Variants in NRG2 observed in about 807,000 individuals in gnomAD.
The protein encoded by NRG2 is pro-neuregulin-2, membrane-bound isoform.
A neutral mutation model predicts 73.9 loss-of-function variants in NRG2; 27 were observed. The ratio of observed to expected loss-of-function variants is 0.37; its 90% CI spans 0.27 to 0.50. NRG2 has a LOEUF of 0.50. Ranked by LOEUF, NRG2 falls within the 20% of genes least tolerant of loss-of-function variation. The pLI is 0.96. For missense variants in NRG2, 1,126 were observed against 1,210.1 expected (o/e 0.93, Z 1.03); for synonymous variants, 532 against 541.0 (o/e 0.98, Z 0.23).
At chr5:139,991,039 G>C (rs1757587378) in intron 1 of NRG2, among the ~76,000 whole-genome samples, 1 of 152,098 alleles carries the variant, frequency 6.6e-6, no homozygotes, top group Non-Finnish European at 1.5e-5. Context: ...ACTTTGAGAG[G>C]CCAAGGCAGG....
chr5:139,947,314 A>G (rs550458979), intron 1 of NRG2, among the ~76,000 whole-genome samples: 25 of 152,342 alleles, frequency 1.6e-4, no homozygotes, highest in South Asian at 2.1e-4. Flanking sequence ...GACATTTCAT[A>G]TAAATCAAAT....
intron 1 of NRG2, among the ~76,000 whole-genome samples, chr5:139,995,942 G>T (rs1287787092): frequency 6.6e-6 from 1 of 152,174 alleles, no homozygotes; most frequent in African/African-American, 2.4e-5. Context: ...CTTGAGCCGA[G>T]AAATTTGAGG....
At chr5:139,911,928 G>A (rs1304988411) in intron 1 of NRG2, among the ~76,000 whole-genome samples, 1 of 152,156 alleles carries the variant, frequency 6.6e-6, no homozygotes, top group Non-Finnish European at 1.5e-5. Context: ...GGGCTCTGGG[G>A]ACCATGAGCA....
chr5:140,042,475 C>G lies in NRG2; in HGVS notation c.595G>C (p.Glu199Gln), dbSNP rs751635846. Residue 199 changes from glutamate (E) to glutamine (Q), a missense_variant, in exon 1 of 10, where the codon GAG becomes CAG. Glu to Gln is a conservative substitution (Grantham distance 29). This residue lies in a region of NRG2 where 539 missense variants were observed against 703.2 expected (regional missense o/e 0.77). Transcript: ENST00000361474. ...AAGACTAAGGGCTGTTCCGTGGGCT[C>G]CAGGAAAAAGATGTAGCGCTGGTTC... ...ERNQRYIFFL[E>Q]PTEQPLVFKT... 1 of 1,613,642 alleles carries G rather than the reference C, an allele frequency of 6.2e-7. No individual in the cohort carries two copies. Among genetic ancestry groups the G allele is most frequent in the Admixed American group, 1.7e-5 (1 of 59,990 alleles).
intron 1 of NRG2, among the ~76,000 whole-genome samples, chr5:139,902,081 G>C (rs534345268): frequency 6.6e-6 from 1 of 152,338 alleles, no homozygotes; most frequent in Admixed American, 6.5e-5. Flanking sequence ...GTCCAACAGG[G>C]ATGAACCCCA....
intron 1 of NRG2, among the ~76,000 whole-genome samples, chr5:139,911,669 G>A (rs1750832720): frequency 6.6e-6 from 1 of 152,156 alleles, no homozygotes; most frequent in Non-Finnish European, 1.5e-5. Context: ...CCCATCTGCA[G>A]GGAGACACCT....
intron 5 of NRG2, among the ~76,000 whole-genome samples, chr5:139,859,686 C>T (rs761884042): frequency 1.3e-5 from 2 of 152,116 alleles, no homozygotes; most frequent in Non-Finnish European, 2.9e-5. Context: ...CCCCTGAGTG[C>T]CCTTCTGTTC....
intron 1 of NRG2, among the ~76,000 whole-genome samples, chr5:140,032,152 G>T (rs1234961435): frequency 6.6e-6 from 1 of 152,180 alleles, no homozygotes; most frequent in Non-Finnish European, 1.5e-5. Flanking sequence ...TACCTCTGAA[G>T]GTATTCAGCC....
At chr5:139,911,616 C>T (rs1257488734) in intron 1 of NRG2, among the ~76,000 whole-genome samples, 1 of 152,202 alleles carries the variant, frequency 6.6e-6, no homozygotes, top group African/African-American at 2.4e-5. Context: ...TGCCTGGATT[C>T]CTGCTGCCAG....
intron 1 of NRG2, among the ~76,000 whole-genome samples, chr5:139,897,173 T>A (rs7715875): frequency 0.012 from 1,776 of 152,012 alleles, 40 homozygotes; most frequent in African/African-American, 0.038. Flanking sequence ...AGCTGTGGGG[T>A]CAGACGGATG....
At chr5:140,037,140 T>C (rs1761563974) in intron 1 of NRG2, among the ~76,000 whole-genome samples, 1 of 152,242 alleles carries the variant, frequency 6.6e-6, no homozygotes, top group Non-Finnish European at 1.5e-5. Context: ...GGTCTCTGTC[T>C]TCTGAATGAA....
chr5:139,912,512 C>A (rs868528019), intron 1 of NRG2, among the ~76,000 whole-genome samples: 25 of 152,232 alleles, frequency 1.6e-4, no homozygotes, highest in South Asian at 2.1e-4. Flanking sequence ...GTGGTTATGG[C>A]AGGTCTCAGG....
Position 139,869,105 on chromosome 5 carries a change from TC to T in NRG2, c.1112+2615del. 6.6e-6 allele frequency among the ~76,000 whole-genome samples: 1 copy of T among 151,938 alleles called. No homozygotes were observed. Among genetic ancestry groups the T allele is most frequent in the East Asian group, 1.9e-4 (1 of 5,130 alleles). ...CTTGATTTGGACTCCCATTTTCAAA[TC>T]CCCCTACGTTGTCTTTTTTTAAAAC... is the stretch of plus-strand genomic sequence containing the variant. On this transcript the variant is annotated intron_variant, in intron 4 of 9. Coordinates refer to ENST00000361474, the MANE Select transcript of NRG2 (RefSeq NM_004883.3). This position sits in a 1 kb window ranked among gnomAD's most constrained non-coding sequence, Gnocchi z 4.5.
intron 2 of NRG2, 23 bp from the exon 3 acceptor site, chr5:139,880,997 G>A (rs1475587089): frequency 1.2e-6 from 2 of 1,602,412 alleles, no homozygotes; most frequent in East Asian, 2.2e-5. Context: ...GGGATAAAAG[G>A]GGGAGAGGCG....
At chr5:140,010,017 G>A (rs115724263) in intron 1 of NRG2, among the ~76,000 whole-genome samples, 1 of 152,158 alleles carries the variant, frequency 6.6e-6, no homozygotes, top group East Asian at 1.9e-4. Context: ...TCTGTATGAG[G>A]CCGGGCACAG....
chr5:139,858,899 T>C (rs1001936853), intron 5 of NRG2, among the ~76,000 whole-genome samples: 1 of 152,140 alleles, frequency 6.6e-6, no homozygotes, highest in African/African-American at 2.4e-5. Flanking sequence ...AACTTTGCAA[T>C]CTATCTTCTA....
chr5:139,916,586 T>C (rs1751272997), intron 1 of NRG2, among the ~76,000 whole-genome samples: 1 of 152,168 alleles, frequency 6.6e-6, no homozygotes. Flanking sequence ...AACCACTGAT[T>C]GACTTTCTGT....
Position 139,895,295 on chromosome 5 carries a change from C to T in NRG2, c.701-7784G>A, listed in dbSNP as rs137882761. 1.4e-4 allele frequency among the ~76,000 whole-genome samples: 22 copies of T among 152,378 alleles called. No homozygotes were observed. The East Asian group carries it at 1.7e-3, about 12-fold the overall frequency. ...TCATCCCCAGAGTCACGCAGGTCCA[C>T]GCCGCAGTGCTCCACCCAGCGCAGG... On this transcript the variant is annotated intron_variant, in intron 1 of 9. Coordinates refer to ENST00000361474, the MANE Select transcript of NRG2 (RefSeq NM_004883.3).
At position 139,848,669 on chromosome 5, in the gene NRG2, G is replaced by A; in HGVS notation, c.1801C>T (p.Arg601Cys). 6.4e-7 allele frequency: 1 copy of A among 1,564,078 alleles called. No homozygotes were observed. Among genetic ancestry groups the A allele is most frequent in the South Asian group, 1.2e-5 (1 of 86,714 alleles). The change falls in exon 10 of 10, where the codon CGC becomes TGC. Residue 601 changes from arginine (R) to cysteine (C), a missense_variant. Physicochemically the swap from Arg to Cys is radical, Grantham distance 180. Transcript: ENST00000361474. ...TAGTGGAAGTCCACGGGCGAGAGGC[G>A]CGCGGGCGTGGTCAGGGCCGACACG... ...RYVSALTTPA[R>C]LSPVDFHYSL...
Sources: allele counts gnomAD v4.1 joint callset (sites outside exome capture counted in the v4.1 genomes callset), GRCh38; gene constraint gnomAD v4.1.1; regional missense constraint gnomAD v4.1.1; non-coding constraint Gnocchi (gnomAD v3.1); transcripts MANE v1.5; gene names NCBI Gene and HGNC (gene_info 2026-07-23, HGNC 2026-07-21).